The following KLHL1 variants were observed in gnomAD, a reference collection of about 807,000 sequenced individuals.
The protein encoded by KLHL1 is kelch like family member 1.
In KLHL1, 47 loss-of-function variants were observed where a neutral mutation model predicts 77.7. That is an observed-to-expected ratio of 0.60 (90% CI 0.48 to 0.77). The LOEUF is 0.77. Among genes scored for constraint, KLHL1 ranks in the 30% least tolerant of loss-of-function variants. The probability of loss-of-function intolerance (pLI) is 0.00; values close to 1 mark genes in which losing one functional copy is unlikely to be tolerated. For synonymous variants in KLHL1, 360 were observed against 325.2 expected (o/e 1.11, Z -1.15); for missense variants, 925 against 910.8 (o/e 1.02, Z -0.20).
intron 8 of KLHL1, among the ~76,000 whole-genome samples, chr13:69,725,554 A>G (rs960590481): frequency 6.6e-6 from 1 of 152,172 alleles, no homozygotes; most frequent in African/African-American, 2.4e-5. Flanking sequence ...TTATATTGTC[A>G]TATAAAAAGG....
intron 1 of KLHL1, among the ~76,000 whole-genome samples, chr13:70,065,366 A>T (rs1886982171): frequency 6.6e-6 from 1 of 152,176 alleles, no homozygotes; most frequent in Non-Finnish European, 1.5e-5. Context: ...ATTCTTAGTC[A>T]AATCACTCTA....
rs1874192777 is a variant in KLHL1, at chr13:69,745,896, A to T, written c.1640-5340T>A. Among the ~76,000 whole-genome samples the T allele has an allele frequency of 2.0e-5, 3 of 151,846 alleles. No homozygotes were observed. In the South Asian group the frequency reaches 6.2e-4, roughly 32 times the overall value. Reference sequence around the variant, plus strand: ...TGAAATATCAATTGAGATGGTATTGAATACACAAAATTTTTTAGATAATTA... The same window carrying T: ...TGAAATATCAATTGAGATGGTATTGTATACACAAAATTTTTTAGATAATTA... On this transcript the variant is annotated intron_variant, in intron 7 of 10. Transcript: ENST00000377844.
intron 10 of KLHL1, 80 bp downstream of exon 10, chr13:69,707,545 G>T: frequency 7.4e-7 from 1 of 1,352,926 alleles, no homozygotes; most frequent in Non-Finnish European, 1.0e-6. Context: ...CTAGATTACT[G>T]TTTGTATACC....
chr13:69,853,080 A>G (rs1450895903), intron 5 of KLHL1, among the ~76,000 whole-genome samples: 1 of 151,954 alleles, frequency 6.6e-6, no homozygotes, highest in Non-Finnish European at 1.5e-5. Flanking sequence ...AATTCCTGCT[A>G]TATCTTCTTC....
chr13:69,759,802 C>T (rs757959554), intron 7 of KLHL1, among the ~76,000 whole-genome samples: 6 of 152,098 alleles, frequency 3.9e-5, no homozygotes, highest in Non-Finnish European at 5.9e-5. Context: ...AATATTGTAT[C>T]GTCATTTGCC....
chr13:69,818,361 C>T (rs977340786), intron 6 of KLHL1, among the ~76,000 whole-genome samples: 1 of 151,658 alleles, frequency 6.6e-6, no homozygotes, highest in African/African-American at 2.4e-5. Flanking sequence ...GCTGGGATTA[C>T]AGGTGGGTGC....
chr13:69,963,960 CAT>C (rs1467505671), intron 2 of KLHL1, among the ~76,000 whole-genome samples: 1 of 152,026 alleles, frequency 6.6e-6, no homozygotes, highest in Non-Finnish European at 1.5e-5. Context: ...TTACACATGA[CAT>C]AGAATTCTAG....
chr13:70,043,845 C>T (rs1886434555), intron 1 of KLHL1, among the ~76,000 whole-genome samples: 1 of 152,134 alleles, frequency 6.6e-6, no homozygotes, highest in Non-Finnish European at 1.5e-5. Context: ...CATTGTTAAA[C>T]AGCACATGAC....
chr13:69,703,948 G>A (rs1477123675), intron 10 of KLHL1, among the ~76,000 whole-genome samples: 4 of 151,636 alleles, frequency 2.6e-5, no homozygotes, highest in Admixed American at 6.6e-5. Flanking sequence ...TCATTTTTAA[G>A]GAACGCATGA....
chr13:69,734,185 G>A (rs1436400588), intron 8 of KLHL1, among the ~76,000 whole-genome samples: 1 of 152,068 alleles, frequency 6.6e-6, no homozygotes, highest in African/African-American at 2.4e-5. Flanking sequence ...GTGAGATCTG[G>A]TTGTTTAAAA....
At chr13:69,794,204 A>AT (rs774818977) in intron 7 of KLHL1, among the ~76,000 whole-genome samples, 17 of 152,186 alleles carry the variant, frequency 1.1e-4, no homozygotes, top group African/African-American at 1.9e-4. Flanking sequence ...TGAGGTCTAC[A>AT]TACTAGAGAT....
chr13:69,951,949 T>G (rs1883724690), intron 3 of KLHL1, among the ~76,000 whole-genome samples: 1 of 151,454 alleles, frequency 6.6e-6, no homozygotes, highest in Non-Finnish European at 1.5e-5. Flanking sequence ...CAATTCTTTC[T>G]GAAAACACTA....
At chr13:69,924,628 C>G (rs1270593187) in intron 4 of KLHL1, among the ~76,000 whole-genome samples, 1 of 152,154 alleles carries the variant, frequency 6.6e-6, no homozygotes, top group Admixed American at 6.5e-5. Flanking sequence ...GGGCACGGGA[C>G]AAGAACTCAG....
chr13:70,017,783 C>CA (rs1310476617), intron 1 of KLHL1, among the ~76,000 whole-genome samples: 2 of 152,046 alleles, frequency 1.3e-5, no homozygotes, highest in African/African-American at 2.4e-5. Context: ...AACAATAACA[C>CA]AAAAAAATTA....
chr13:69,807,930 G>A (rs1229269650), intron 6 of KLHL1, among the ~76,000 whole-genome samples: 1 of 152,146 alleles, frequency 6.6e-6, no homozygotes, highest in Admixed American at 6.5e-5. Flanking sequence ...GGGGGACAGT[G>A]CTCCTTAGCT....
At chr13:69,933,047 A>G (rs1240941683) in intron 4 of KLHL1, among the ~76,000 whole-genome samples, 1 of 152,030 alleles carries the variant, frequency 6.6e-6, no homozygotes, top group Non-Finnish European at 1.5e-5. Flanking sequence ...CCACATTTTT[A>G]CTTAGTTCTT....
intron 1 of KLHL1, among the ~76,000 whole-genome samples, chr13:70,076,245 A>G (rs547501832): frequency 1.3e-5 from 2 of 152,130 alleles, no homozygotes; most frequent in East Asian, 1.9e-4. Context: ...ACTAAAATCT[A>G]TGGTAATCAA....
chr13:69,902,767 AG>A (rs1377072087), intron 4 of KLHL1, among the ~76,000 whole-genome samples: 2 of 75,780 alleles, frequency 2.6e-5, no homozygotes, highest in Non-Finnish European at 5.3e-5. Context: ...GGGTTGGGGG[AG>A]GGGGGAGGGA....
chr13:69,968,549 A>G (rs2137280907), intron 2 of KLHL1, among the ~76,000 whole-genome samples: 1 of 151,778 alleles, frequency 6.6e-6, no homozygotes, highest in East Asian at 1.9e-4. Flanking sequence ...ATTTAAAAAA[A>G]AAAAAGAAAT....
Sources: allele counts gnomAD v4.1 joint callset (sites outside exome capture counted in the v4.1 genomes callset), GRCh38; gene constraint gnomAD v4.1.1; transcripts MANE v1.5; gene names NCBI Gene and HGNC (gene_info 2026-07-23, HGNC 2026-07-21).